Variants in TTC3 observed in about 807,000 individuals in gnomAD.
The protein encoded by TTC3 is E3 ubiquitin-protein ligase TTC3.
In TTC3, 180 loss-of-function variants were observed where a neutral mutation model predicts 249.6. That is an observed-to-expected ratio of 0.72 (90% CI 0.64 to 0.82). The LOEUF (loss-of-function observed/expected upper bound fraction) is 0.82. TTC3 is among the 40% of genes least tolerant of loss of function. The pLI is 0.00. For synonymous variants in TTC3, 717 were observed against 805.0 expected (o/e 0.89, Z 1.85); for missense variants, 2,061 against 2,398.4 (o/e 0.86, Z 2.94).
At chr21:37,086,098 T>G (rs1240033815) in intron 1 of TTC3, 1 of 152,258 alleles carries the variant, frequency 6.6e-6, no homozygotes, top group Non-Finnish European at 1.5e-5. Context: ...AATAGTTTGC[T>G]AGGAAGATTG....
intron 1 of TTC3, among the ~76,000 whole-genome samples, 194 bp downstream of exon 1, chr21:37,073,667 G>A (rs1366234866): frequency 2.0e-5 from 3 of 152,096 alleles, no homozygotes; most frequent in African/African-American, 7.2e-5. Flanking sequence ...GTCCCTTTGT[G>A]CGCAACCCCC....
At chr21:37,077,447 A>T (rs868074108) in intron 1 of TTC3, among the ~76,000 whole-genome samples, 6 of 152,206 alleles carry the variant, frequency 3.9e-5, no homozygotes, top group Non-Finnish European at 8.8e-5. Context: ...TGCTAGATCA[A>T]GGGGTATGAA....
chr21:37,164,296 T>C (rs1461438223), intron 32 of TTC3, 81 bp downstream of exon 32: 19 of 1,317,616 alleles, frequency 1.4e-5, no homozygotes, highest in Non-Finnish European at 1.8e-5. Context: ...AATTTGTGCC[T>C]GTTTTTAGAG....
intron 5 of TTC3, among the ~76,000 whole-genome samples, chr21:37,089,760 C>T (rs570194043): frequency 4.6e-5 from 7 of 152,210 alleles, no homozygotes; most frequent in South Asian, 2.1e-4. Context: ...ATGATCCACC[C>T]GCCTCGGCCT....
At chr21:37,178,612 A>G (rs1386484976) in intron 35 of TTC3, among the ~76,000 whole-genome samples, 1 of 152,084 alleles carries the variant, frequency 6.6e-6, no homozygotes, top group Non-Finnish European at 1.5e-5. Context: ...AGGAATGTCT[A>G]CTCAGATCCT....
intron 1 of TTC3, chr21:37,084,134 G>C (rs1299246480): frequency 2.0e-5 from 3 of 152,224 alleles, no homozygotes; most frequent in Non-Finnish European, 4.4e-5. Context: ...AGTCATGGGT[G>C]TGGTGGATAA....
At chr21:37,180,767 A>T (rs1350403487) in intron 35 of TTC3, among the ~76,000 whole-genome samples, 3 of 152,162 alleles carry the variant, frequency 2.0e-5, no homozygotes, top group South Asian at 4.1e-4. Context: ...TAATAAAAAA[A>T]AATGGCTTTA....
chr21:37,124,513 AAT>A (rs1457457290), intron 13 of TTC3, 104 bp from the exon 14 acceptor site: 1 of 1,243,436 alleles, frequency 8.0e-7, no homozygotes, highest in African/African-American at 1.5e-5. Flanking sequence ...TTTTTAAAAC[AAT>A]AATACCTTGC....
intron 10 of TTC3, among the ~76,000 whole-genome samples, chr21:37,101,818 T>C (rs1026738065): frequency 3.3e-5 from 5 of 151,718 alleles, no homozygotes; most frequent in African/African-American, 1.2e-4. Flanking sequence ...TTGTTTTGGA[T>C]CTGTATATAG....
In TTC3 at chr21:37,197,709, G is replaced by A. The variant is rs1417921816; in HGVS notation, c.5706+13G>A. On this transcript the variant is annotated intron_variant, in intron 43 of 45. Coordinates refer to ENST00000355666, the Ensembl canonical transcript of TTC3. ...GAAAAAGAAAAAGGTATTTTATCTA[G>A]ATGTTCCAGTTTATCCTTATTTATT... The A allele has an allele frequency of 2.6e-5, 41 of 1,577,254 alleles. No homozygotes were observed. Among genetic ancestry groups the A allele is most frequent in the Non-Finnish European group, 3.5e-5 (41 of 1,160,206 alleles).
chr21:37,076,811 T>C (rs919097624), intron 1 of TTC3, among the ~76,000 whole-genome samples: 1 of 149,940 alleles, frequency 6.7e-6, no homozygotes, highest in African/African-American at 2.5e-5. Context: ...CAAGTGATTC[T>C]CTTGCCTCAG....
chr21:37,163,162 G>A (rs1416058704), intron 31 of TTC3, among the ~76,000 whole-genome samples: 1 of 152,076 alleles, frequency 6.6e-6, no homozygotes, highest in African/African-American at 2.4e-5. Flanking sequence ...CACTTATCCT[G>A]CCTAGGAGGT....
intron 7 of TTC3, chr21:37,093,494 C>T (rs956824050): frequency 1.3e-5 from 2 of 151,586 alleles, no homozygotes; most frequent in Non-Finnish European, 2.9e-5. Flanking sequence ...TATCCAAAAT[C>T]CAAAACACTT....
At chr21:37,095,135 A>ATGTGTGTGTGTGTG (rs201291680) in intron 8 of TTC3, among the ~76,000 whole-genome samples, 1 of 76,670 alleles carries the variant, frequency 1.3e-5, no homozygotes, top group Non-Finnish European at 3.3e-5. Flanking sequence ...GTCTCTAAAA[A>ATGTGTGTGTGTGTG]TATGTGTGTG....
exon 1 of TTC3, chr21:37,073,315 G>GGCT (rs16998912): frequency 0.51 from 194,732 of 380,654 alleles, 51,174 homozygotes; most frequent in Non-Finnish European, 0.55. Flanking sequence ...CGGCGGCGGC[G>GGCT]GCTGCTGCTG....
At chr21:37,082,670 A>G (rs928152373) in intron 1 of TTC3, 4 of 984,598 alleles carry the variant, frequency 4.1e-6, no homozygotes, top group South Asian at 9.4e-5. Flanking sequence ...GTGCCTTCAC[A>G]TGTTCCCCTA....
At chr21:37,170,529 G>A (rs1451779289) in intron 34 of TTC3, among the ~76,000 whole-genome samples, 1 of 152,176 alleles carries the variant, frequency 6.6e-6, no homozygotes, top group Non-Finnish European at 1.5e-5. Flanking sequence ...TGTTTTGTCT[G>A]TATTTGAATC....
intron 9 of TTC3, 169 bp downstream of exon 9, chr21:37,095,613 TG>T: frequency 2.1e-6 from 1 of 468,414 alleles, no homozygotes; most frequent in Non-Finnish European, 3.8e-6. Context: ...CCTGGGTATA[TG>T]AAGCTAACGT....
rs149855595 is a variant in TTC3 at position 37,160,695 on chromosome 21, G to A, written c.3040-107G>A. On this transcript the variant is annotated intron_variant, in intron 29 of 45. Coordinates refer to ENST00000355666, the Ensembl canonical transcript of TTC3. ...GTGTTATTTTTGTTAAACATTTTATGTACATTTAACTTATGGCTAGTCTGT... is the reference window on the plus strand; with the variant it reads ...GTGTTATTTTTGTTAAACATTTTATATACATTTAACTTATGGCTAGTCTGT... 2.2e-3 allele frequency: 2,435 copies of A among 1,123,190 alleles called. 35 individuals are homozygous for A. In the African/African-American group the frequency reaches 0.032, roughly 15 times the overall value. The allele number at this position is 1,123,190 out of a possible 1,614,324, so 69.6% of individuals were successfully genotyped here.
Sources: allele counts gnomAD v4.1 joint callset (sites outside exome capture counted in the v4.1 genomes callset), GRCh38; gene constraint gnomAD v4.1.1; transcripts MANE v1.5; gene names NCBI Gene and HGNC (gene_info 2026-07-23, HGNC 2026-07-21).